ERGIC1: variants seen among roughly 807,000 people sequenced by gnomAD.
The protein encoded by ERGIC1 is endoplasmic reticulum-Golgi intermediate compartment protein 1.
In ERGIC1, 19 loss-of-function variants were observed where a neutral mutation model predicts 38.3. That is an observed-to-expected ratio of 0.50 (90% CI 0.35 to 0.73). The LOEUF (loss-of-function observed/expected upper bound fraction) is 0.73. ERGIC1 is among the 30% of genes least tolerant of loss of function. ERGIC1 has a pLI of 0.01. For synonymous variants in ERGIC1, 124 were observed against 157.6 expected, an observed-to-expected ratio of 0.79 and a Z score of 1.60; for missense variants, 294 against 389.2, an observed-to-expected ratio of 0.76 and a Z score of 2.06.
chr5:172,893,622 C>A (rs1282451489), intron 2 of ERGIC1, among the ~76,000 whole-genome samples: 3 of 151,734 alleles, frequency 2.0e-5, no homozygotes, highest in African/African-American at 7.3e-5. Flanking sequence ...GGTTTAATAG[C>A]CTCAGTTTGC....
rs772981328 is a variant in ERGIC1 at position 172,889,283 on chromosome 5, TA to T, written c.82+532del. On this transcript the variant is annotated intron_variant, in intron 2 of 9. Transcript: ENST00000393784. ...TGGGCAACAAGAGCGAGACTCCATC[TA>T]AAAAAAAACAGTAGCTGCCCCTGGG... is the stretch of plus-strand genomic sequence containing the variant. Among the ~76,000 whole-genome samples, 134 of 150,680 alleles carry T rather than the reference TA, an allele frequency of 8.9e-4. 1 individual carries two copies. Among genetic ancestry groups the T allele is most frequent in the Admixed American group, 8.1e-3 (122 of 15,102 alleles).
intron 1 of ERGIC1, among the ~76,000 whole-genome samples, chr5:172,847,980 G>A (rs900579145): frequency 1.3e-5 from 2 of 152,224 alleles, no homozygotes; most frequent in Admixed American, 1.3e-4. Flanking sequence ...ACGAGCATCT[G>A]GTGCCTGGTG....
At chr5:172,940,984 T>C (rs1763998064) in intron 9 of ERGIC1, among the ~76,000 whole-genome samples, 1 of 152,132 alleles carries the variant, frequency 6.6e-6, no homozygotes, top group Non-Finnish European at 1.5e-5. Context: ...CCTAAAGAAG[T>C]GATCATATTT....
intron 1 of ERGIC1, among the ~76,000 whole-genome samples, chr5:172,878,555 A>G (rs1476105094): frequency 6.6e-6 from 1 of 152,174 alleles, no homozygotes; most frequent in East Asian, 1.9e-4. Context: ...AGCAGCAGTC[A>G]TAGCTGTGAT....
At chr5:172,839,789 G>C (rs1486322639) in intron 1 of ERGIC1, among the ~76,000 whole-genome samples, 1 of 152,196 alleles carries the variant, frequency 6.6e-6, no homozygotes, top group African/African-American at 2.4e-5. Context: ...GGGAGGTGCT[G>C]TTGTTACCCC....
At chr5:172,902,742 G>C (rs981880405) in intron 3 of ERGIC1, among the ~76,000 whole-genome samples, 1 of 152,102 alleles carries the variant, frequency 6.6e-6, no homozygotes, top group Admixed American at 6.5e-5. Context: ...CGTGCTTGCA[G>C]AATCTCCATC....
At chr5:172,907,029 C>T (rs1763045766) in intron 3 of ERGIC1, among the ~76,000 whole-genome samples, 1 of 151,518 alleles carries the variant, frequency 6.6e-6, no homozygotes, top group South Asian at 2.1e-4. Context: ...TGTCTGCATT[C>T]CCCCCTCACC....
intron 4 of ERGIC1, among the ~76,000 whole-genome samples, chr5:172,911,881 C>T (rs1472916031): frequency 6.6e-6 from 1 of 152,016 alleles, no homozygotes; most frequent in Admixed American, 6.5e-5. Context: ...CTCCCCTGTC[C>T]CCCTTCTTGT....
In ERGIC1 at chr5:172,846,711, A is replaced by G. The variant is rs1422902425; in HGVS notation, c.20+12278A>G. On this transcript the variant is annotated intron_variant, in intron 1 of 9. Coordinates refer to ENST00000393784, the MANE Select transcript of ERGIC1 (RefSeq NM_001031711.3). The surrounding 1 kb of genome is among the most constrained non-coding windows in gnomAD (Gnocchi z 4.0). ...CAGGAAAGTGTTTTAAGAGGTGAGCATGAGACTTGACCCAGAGTCTTTTAA... is the reference window on the plus strand; with the variant it reads ...CAGGAAAGTGTTTTAAGAGGTGAGCGTGAGACTTGACCCAGAGTCTTTTAA... 6.6e-6 allele frequency among the ~76,000 whole-genome samples: 1 copy of G among 152,226 alleles called. No individual in the cohort carries two copies. Among genetic ancestry groups the G allele is most frequent in the Admixed American group, 6.5e-5 (1 of 15,286 alleles).
At chr5:172,902,307 G>A (rs1762903975) in intron 3 of ERGIC1, among the ~76,000 whole-genome samples, 1 of 152,206 alleles carries the variant, frequency 6.6e-6, no homozygotes, top group Admixed American at 6.5e-5. Flanking sequence ...GGAGTGGGGA[G>A]CAGTGGCTTA....
chr5:172,887,231 C>G (rs1400692476), intron 1 of ERGIC1, among the ~76,000 whole-genome samples: 1 of 152,164 alleles, frequency 6.6e-6, no homozygotes, highest in Non-Finnish European at 1.5e-5. Flanking sequence ...CTGTCACCCC[C>G]AAGGGCTGGA....
Position 172,875,601 on chromosome 5 carries a change from G to A in ERGIC1, c.21-13098G>A, listed in dbSNP as rs116807608. On this transcript the variant is annotated intron_variant, in intron 1 of 9. Transcript: ENST00000393784. ...ATCCAACAAGGTCTACCTATTGCCTGTGGGCTTTCTTGAGACAGGATCTCA... is the reference window on the plus strand; with the variant it reads ...ATCCAACAAGGTCTACCTATTGCCTATGGGCTTTCTTGAGACAGGATCTCA... Among the ~76,000 whole-genome samples the A allele has an allele frequency of 5.0e-3, 760 of 152,268 alleles. 6 individuals carry two copies. The highest frequency in any genetic ancestry group is 0.017 in the African/African-American group (723 of 41,560).
At chr5:172,907,744 C>T (rs986635161) in intron 3 of ERGIC1, among the ~76,000 whole-genome samples, 8 of 152,122 alleles carry the variant, frequency 5.3e-5, no homozygotes, top group Non-Finnish European at 8.8e-5. Context: ...CCCCTTCTCC[C>T]CAAAGGTCAG....
chr5:172,875,866 C>T (rs1309462166), intron 1 of ERGIC1, among the ~76,000 whole-genome samples: 1 of 152,182 alleles, frequency 6.6e-6, no homozygotes, highest in African/African-American at 2.4e-5. Flanking sequence ...CCATGCCTGG[C>T]CACGTCCTTT....
At chr5:172,886,122 C>T (rs1581541341) in intron 1 of ERGIC1, among the ~76,000 whole-genome samples, 1 of 152,096 alleles carries the variant, frequency 6.6e-6, no homozygotes, top group Admixed American at 6.5e-5. Context: ...AGACCGCCCG[C>T]CGGCCCCCAT....
chr5:172,926,167 T>G lies in ERGIC1; in HGVS notation c.481-342T>G, dbSNP rs1192015422. Among the ~76,000 whole-genome samples, 1 of 152,212 alleles carries G rather than the reference T, an allele frequency of 6.6e-6. No individual in the cohort carries two copies. ...GACAGACCTGATTTCAGAGTTTAGC[T>G]TAGCCACTTACCAGCCGGGCAAGTT... is the stretch of plus-strand genomic sequence containing the variant. On this transcript the variant is annotated intron_variant, in intron 6 of 9. Coordinates refer to ENST00000393784, the MANE Select transcript of ERGIC1 (RefSeq NM_001031711.3). The surrounding 1 kb of genome is among the most constrained non-coding windows in gnomAD (Gnocchi z 5.2).
chr5:172,901,807 C>G (rs1314578390), intron 3 of ERGIC1, among the ~76,000 whole-genome samples: 1 of 152,050 alleles, frequency 6.6e-6, no homozygotes, highest in East Asian at 1.9e-4. Flanking sequence ...CTGTATGTTA[C>G]CCAGGCTGGT....
intron 5 of ERGIC1, chr5:172,915,442 G>A (rs1180355476): frequency 4.9e-6 from 2 of 408,062 alleles, no homozygotes; most frequent in Non-Finnish European, 1.0e-5. Context: ...GCCAAGGGGA[G>A]TGAGATGAGG....
chr5:172,841,569 G>A (rs1341470546), intron 1 of ERGIC1, among the ~76,000 whole-genome samples: 1 of 152,248 alleles, frequency 6.6e-6, no homozygotes, highest in Non-Finnish European at 1.5e-5. Context: ...AGGCCTGGCT[G>A]TAATTACAGT....
Sources: allele counts gnomAD v4.1 joint callset (sites outside exome capture counted in the v4.1 genomes callset), GRCh38; gene constraint gnomAD v4.1.1; non-coding constraint Gnocchi (gnomAD v3.1); transcripts MANE v1.5; gene names NCBI Gene and HGNC (gene_info 2026-07-23, HGNC 2026-07-21).